NRIP3: variants seen among roughly 807,000 people sequenced by gnomAD.
NRIP3 encodes the protein nuclear receptor-interacting protein 3.
A neutral mutation model predicts 29.0 loss-of-function variants in NRIP3; 31 were observed. That is an observed-to-expected ratio of 1.07 (90% CI 0.80 to 1.44). The LOEUF (loss-of-function observed/expected upper bound fraction) is 1.44, where lower values mean the gene tolerates loss of function less well. Among genes scored for constraint, NRIP3 ranks in the 40% most tolerant of loss-of-function variants. The pLI, the probability that NRIP3 is intolerant of heterozygous loss-of-function variation, is 0.00. For missense variants in NRIP3, 314 were observed against 297.9 expected, an observed-to-expected ratio of 1.05 and a Z score of -0.40; for synonymous variants, 131 against 118.3, an observed-to-expected ratio of 1.11 and a Z score of -0.70.
intron 1 of NRIP3, among the ~76,000 whole-genome samples, chr11:9,000,517 A>G (rs560873529): frequency 6.6e-6 from 1 of 152,360 alleles, no homozygotes; most frequent in East Asian, 1.9e-4. Flanking sequence ...GCATTTAGCT[A>G]TGATCAGAAG....
At chr11:9,004,046 T>G (rs557530772), upstream of NRIP3, 3 of 1,122,296 alleles carry the variant, frequency 2.7e-6, no homozygotes, top group East Asian at 6.5e-5. Context: ...GAGCGTGACG[T>G]CGCGGGGAGC....
chr11:8,985,965 C>A, intron 3 of NRIP3, 115 bp from the exon 4 acceptor site: 1 of 1,291,072 alleles, frequency 7.7e-7, no homozygotes, highest in Non-Finnish European at 1.1e-6. Flanking sequence ...TGGGATTAAT[C>A]TACCGAAAAG....
rs1412798853 is a variant in NRIP3 at position 8,981,528 on chromosome 11, A to C, written c.*2017T>G. ...CCTTCAACATGCCTCACTGTGGCTA[A>C]GAGTCAAGGCTCAGAGTAGAACTTT... On this transcript the variant is annotated 3_prime_UTR_variant, in exon 7 of 7. Transcript: ENST00000309166. 6.6e-6 allele frequency: 1 copy of C among 152,400 alleles called. No homozygotes were observed. The highest frequency in any genetic ancestry group is 1.5e-5 in the Non-Finnish European group (1 of 68,254). The allele number at this position is 152,400 out of a possible 1,614,324, so 9.4% of individuals were successfully genotyped here.
chr11:9,001,779 C>T (rs531572838), intron 1 of NRIP3, among the ~76,000 whole-genome samples: 74 of 144,684 alleles, frequency 5.1e-4, no homozygotes, highest in African/African-American at 1.8e-3. Flanking sequence ...AGCCCTACCT[C>T]GGTCTGCCTT....
chr11:8,984,210 C>A, intron 4 of NRIP3, 86 bp from the exon 5 acceptor site: 1 of 825,710 alleles, frequency 1.2e-6, no homozygotes, highest in South Asian at 1.4e-5. Flanking sequence ...TTCCATCCAT[C>A]CATCCAATAA....
chr11:9,004,047 C>A (rs1397813241), upstream of NRIP3: 17 of 1,116,898 alleles, frequency 1.5e-5, no homozygotes, highest in African/African-American at 2.5e-4. Flanking sequence ...AGCGTGACGT[C>A]GCGGGGAGCA....
In NRIP3 at chr11:8,982,291, C is replaced by T. The variant is rs1854430602; in HGVS notation, c.*1254G>A. 1 of 152,250 alleles carries T rather than the reference C, an allele frequency of 6.6e-6. No individual in the cohort carries two copies. Among genetic ancestry groups the T allele is most frequent in the Non-Finnish European group, 1.5e-5 (1 of 68,064 alleles). The allele number at this position is 152,250 out of a possible 1,614,324, so 9.4% of individuals were successfully genotyped here. A position where few individuals can be genotyped will look rare whatever the true frequency, so the allele number is the denominator to read the frequency against. ...AAAAAGTTGTCCTTAACATTGCCGGCTCCTGCTCTGCCTCTTTCCTTGTAT... is the reference window on the plus strand; with the variant it reads ...AAAAAGTTGTCCTTAACATTGCCGGTTCCTGCTCTGCCTCTTTCCTTGTAT... On this transcript the variant is annotated 3_prime_UTR_variant, in exon 7 of 7. Coordinates refer to ENST00000309166, the MANE Select transcript of NRIP3 (RefSeq NM_020645.3).
At position 8,992,686 on chromosome 11, in the gene NRIP3, G is replaced by A. The variant is rs148630620; in HGVS notation, c.175-4404C>T. Reference sequence around the variant, plus strand: ...AGCACTTTGGGAGGCTGAGGTGGGCGGATCACGAGATCAGGAGTTCGAGAC... The same window carrying A: ...AGCACTTTGGGAGGCTGAGGTGGGCAGATCACGAGATCAGGAGTTCGAGAC... On this transcript the variant is annotated intron_variant, in intron 1 of 6. Transcript: ENST00000309166. Among the ~76,000 whole-genome samples, 1,014 of 152,228 alleles carry A rather than the reference G, an allele frequency of 6.7e-3. 9 individuals carry two copies. Among genetic ancestry groups the A allele is most frequent in the African/African-American group, 0.023 (952 of 41,546 alleles).
intron 1 of NRIP3, among the ~76,000 whole-genome samples, chr11:9,001,493 C>T (rs1333708650): frequency 6.6e-6 from 1 of 152,170 alleles, no homozygotes. Context: ...CCTTATCTCC[C>T]TCTGATGCTA....
chr11:8,987,777 T>G, intron 2 of NRIP3, 147 bp from the exon 3 acceptor site: 1 of 689,802 alleles, frequency 1.4e-6, no homozygotes. Context: ...CTTTACCCAC[T>G]GCTAAGTCTG....
intron 4 of NRIP3, 89 bp downstream of exon 4, chr11:8,985,622 T>C: frequency 6.7e-7 from 1 of 1,491,094 alleles, no homozygotes; most frequent in Non-Finnish European, 9.0e-7. Context: ...AAGTCAATAT[T>C]TACAGGCATG....
rs1418591236 is a variant in NRIP3 at position 8,981,570 on chromosome 11, G to A, written c.*1975C>T. Reference sequence around the variant, plus strand: ...TAGAACTTTCAAGTAGGGAAGTAAAGGGTGAGCTTTACTTCAACTTAGTAC... The same window carrying A: ...TAGAACTTTCAAGTAGGGAAGTAAAAGGTGAGCTTTACTTCAACTTAGTAC... On this transcript the variant is annotated 3_prime_UTR_variant, in exon 7 of 7. Transcript: ENST00000309166. 6.6e-6 allele frequency: 1 copy of A among 152,068 alleles called. No individual in the cohort carries two copies. Among genetic ancestry groups the A allele is most frequent in the East Asian group, 1.9e-4 (1 of 5,188 alleles). 9.4% of individuals were successfully genotyped at this position (152,068 alleles called of 1,614,324 possible).
At chr11:8,996,957 T>C (rs1444603177) in intron 1 of NRIP3, among the ~76,000 whole-genome samples, 1 of 152,202 alleles carries the variant, frequency 6.6e-6, no homozygotes, top group Middle Eastern at 3.2e-3. Context: ...CACACGCCTG[T>C]AGTCCCAGCT....
rs1854439464 is a variant in NRIP3, at chr11:8,982,643, C to T, written c.*902G>A. ...TCCTCTGTCTGTGGTTCCTCCTTTC[C>T]TCCAAGAGGTTCACAGTGAGAAACC... is the stretch of plus-strand genomic sequence containing the variant. On this transcript the variant is annotated 3_prime_UTR_variant, in exon 7 of 7. Coordinates refer to ENST00000309166, the MANE Select transcript of NRIP3 (RefSeq NM_020645.3). 4.9e-6 allele frequency: 1 copy of T among 202,486 alleles called. No homozygotes were observed. The highest frequency in any genetic ancestry group is 5.8e-5 in the Admixed American group (1 of 17,210). The allele number at this position is 202,486 out of a possible 1,614,324, so 12.5% of individuals were successfully genotyped here.
intron 1 of NRIP3, among the ~76,000 whole-genome samples, chr11:8,989,191 C>A (rs975704953): frequency 6.6e-6 from 1 of 152,204 alleles, no homozygotes; most frequent in Non-Finnish European, 1.5e-5. Context: ...CAGATATAAT[C>A]ATGCTCCACT....
Position 8,983,402 on chromosome 11 carries a change from G to A in NRIP3, c.*143C>T, listed in dbSNP as rs1173398372. Reference sequence around the variant, plus strand: ...GACTATAGTCTAGAGAGGTCTGAATGGGAAGGAGCCCCTGGAGCTTCTATT... The same window carrying A: ...GACTATAGTCTAGAGAGGTCTGAATAGGAAGGAGCCCCTGGAGCTTCTATT... On this transcript the variant is annotated 3_prime_UTR_variant, in exon 7 of 7. Coordinates refer to ENST00000309166, the MANE Select transcript of NRIP3 (RefSeq NM_020645.3). The A allele has an allele frequency of 1.0e-5, 7 of 686,670 alleles. No homozygotes were observed. Among genetic ancestry groups the A allele is most frequent in the Middle Eastern group, 5.8e-4 (2 of 3,454 alleles). 42.5% of individuals were successfully genotyped at this position (686,670 alleles called of 1,614,324 possible).
intron 3 of NRIP3, 77 bp downstream of exon 3, chr11:8,987,471 C>T (rs1854536132): frequency 9.6e-7 from 1 of 1,041,204 alleles, no homozygotes. Context: ...AGACCCTCAC[C>T]ATCTCTAACC....
At chr11:8,984,262 A>AT (rs1054718442) in intron 4 of NRIP3, 138 bp from the exon 5 acceptor site, 1,390 of 483,382 alleles carry the variant, frequency 2.9e-3, no homozygotes, top group Non-Finnish European at 3.3e-3. Flanking sequence ...TTTTTTTTTT[A>AT]TTTTTTTTTT....
intron 1 of NRIP3, among the ~76,000 whole-genome samples, chr11:8,998,828 C>G (rs1854753106): frequency 8.4e-6 from 1 of 118,822 alleles, no homozygotes; most frequent in Non-Finnish European, 1.6e-5. Context: ...GAGTCTCGCT[C>G]TGTCGTCCAG....
Sources: gnomAD v4.1 joint callset for allele counts (sites outside exome capture counted in the v4.1 genomes callset) on GRCh38, gnomAD v4.1.1 for gene constraint, MANE v1.5 for transcripts, NCBI Gene and HGNC (gene_info 2026-07-23, HGNC 2026-07-21) for gene names.